Variants in EVL observed in about 807,000 individuals in gnomAD.
The protein encoded by EVL is ena/VASP-like protein.
Under a neutral mutation model 59.6 loss-of-function variants are expected in EVL, and 21 were observed. The ratio of observed to expected loss-of-function variants is 0.35; its 90% CI spans 0.25 to 0.51. The LOEUF (loss-of-function observed/expected upper bound fraction) is 0.51, where lower values mean the gene tolerates loss of function less well. EVL is among the 20% of genes least tolerant of loss of function. The pLI, the probability that EVL is intolerant of heterozygous loss-of-function variation, is 0.97. For missense variants in EVL, 462 were observed against 546.6 expected (o/e 0.85, Z 1.54); for synonymous variants, 198 against 203.5 (o/e 0.97, Z 0.23).
intron 1 of EVL, among the ~76,000 whole-genome samples, chr14:100,084,047 TCTCTC>T (rs1347008903): frequency 7.1e-6 from 1 of 141,516 alleles, no homozygotes; most frequent in Non-Finnish European, 1.5e-5. Flanking sequence ...ATTCTCTCTC[TCTCTC>T]TTTTTTTTTT....
rs2140342893 is a variant in EVL at position 100,109,966 on chromosome 14, C to T, written c.358+12308C>T. Among the ~76,000 whole-genome samples, 1 of 152,354 alleles carries T rather than the reference C, an allele frequency of 6.6e-6. No homozygotes were observed. Among genetic ancestry groups the T allele is most frequent in the East Asian group, 1.9e-4 (1 of 5,190 alleles). On this transcript the variant is annotated intron_variant, in intron 3 of 13. Transcript: ENST00000392920. This position sits in a 1 kb window ranked among gnomAD's most constrained non-coding sequence, Gnocchi z 4.3. ...ATCTGTGAAATGGCTGAATCAGACT[C>T]ACCTCACAGGGTTGTTGTGAGGGTA...
At chr14:100,080,761 C>T (rs1032672790) in intron 1 of EVL, among the ~76,000 whole-genome samples, 1 of 152,144 alleles carries the variant, frequency 6.6e-6, no homozygotes, top group African/African-American at 2.4e-5. Context: ...AGAAGTCCAC[C>T]AACCTGGTAA....
chr14:100,088,925 A>C (rs887836019), intron 2 of EVL, among the ~76,000 whole-genome samples: 3 of 152,256 alleles, frequency 2.0e-5, no homozygotes, highest in Non-Finnish European at 2.9e-5. Context: ...GAGGCCTCCA[A>C]AAACAAAAAG....
chr14:100,084,757 A>G lies in EVL; in HGVS notation c.82A>G (p.Ile28Val), dbSNP rs779985088. 6.2e-7 allele frequency: 1 copy of G among 1,614,184 alleles called. No homozygotes were observed. Among genetic ancestry groups the G allele is most frequent in the Non-Finnish European group, 8.5e-7 (1 of 1,180,030 alleles). ...TGACACCAGTAAGAAATGGGTACCA[A>G]TCAAACCTGGCCAGCAGGGATTCAG... is the stretch of plus-strand genomic sequence containing the variant. ...YDDTSKKWVP[I>V]KPGQQGFSRI... The change falls in exon 2 of 14, where the codon ATC becomes GTC. Residue 28 changes from isoleucine (I) to valine (V), a missense_variant. Coordinates refer to ENST00000392920, the MANE Select transcript of EVL (RefSeq NM_016337.3).
intron 1 of EVL, among the ~76,000 whole-genome samples, chr14:99,999,813 C>A (rs1316981763): frequency 6.6e-6 from 1 of 152,140 alleles, no homozygotes; most frequent in Non-Finnish European, 1.5e-5. Context: ...GCCATCAGCA[C>A]AAAAGTTTGT....
At chr14:100,037,997 G>A (rs986112701) in intron 1 of EVL, among the ~76,000 whole-genome samples, 7 of 152,218 alleles carry the variant, frequency 4.6e-5, no homozygotes, top group African/African-American at 1.7e-4. Context: ...CAGGGTCAGA[G>A]CTTGGTTGTG....
rs2061910676 is a variant in EVL, at chr14:100,065,467, TC to T, written c.-32del. On this transcript the variant is annotated 5_prime_UTR_variant, in exon 1 of 14. Transcript: ENST00000392920. ...GGCTGGTGGGAGTACAGGACTCGCC[TC>T]CTCAGGGTTCCCTGTGCTGCCACTT... The T allele has an allele frequency of 6.7e-7, 1 of 1,482,738 alleles. No individual in the cohort carries two copies. The allele number at this position is 1,482,738 out of a possible 1,614,324, so 91.8% of individuals were successfully genotyped here.
intron 1 of EVL, among the ~76,000 whole-genome samples, chr14:100,034,740 TA>T (rs541398362): frequency 3.8e-3 from 564 of 149,040 alleles, no homozygotes; most frequent in Middle Eastern, 0.017. Flanking sequence ...CCCAACTCTT[TA>T]AAAAAAAAAT....
chr14:100,091,256 A>G (rs1242590730), intron 2 of EVL, among the ~76,000 whole-genome samples: 1 of 152,078 alleles, frequency 6.6e-6, no homozygotes, highest in Non-Finnish European at 1.5e-5. Flanking sequence ...TCTTAACGAA[A>G]TTCCCTGACC....
At chr14:100,014,167 A>G (rs2140194905) in intron 1 of EVL, among the ~76,000 whole-genome samples, 1 of 152,288 alleles carries the variant, frequency 6.6e-6, no homozygotes, top group South Asian at 2.1e-4. Flanking sequence ...ATAAAATATG[A>G]TCAGTCCCCT....
chr14:100,010,996 A>G (rs2061013780), intron 1 of EVL, among the ~76,000 whole-genome samples: 1 of 152,236 alleles, frequency 6.6e-6, no homozygotes, highest in African/African-American at 2.4e-5. Context: ...GGATTTCAAG[A>G]TGATTTGTCC....
intron 1 of EVL, among the ~76,000 whole-genome samples, chr14:100,034,868 C>T (rs2140223704): frequency 6.6e-6 from 1 of 152,226 alleles, no homozygotes. Flanking sequence ...TTTGAGTCTC[C>T]CTTATCTGTG....
At chr14:100,128,394 C>A in intron 5 of EVL, 125 bp from the exon 6 acceptor site, 2 of 928,402 alleles carry the variant, frequency 2.2e-6, no homozygotes, top group Non-Finnish European at 3.6e-6. Context: ...AGGCCTGGAG[C>A]TGTTTCTCAT....
intron 1 of EVL, among the ~76,000 whole-genome samples, chr14:100,038,770 G>GC (rs1488873891): frequency 3.6e-5 from 5 of 139,614 alleles, no homozygotes; most frequent in African/African-American, 1.4e-4. Flanking sequence ...CTGTGCCCTG[G>GC]GGTGTGTGTG....
At chr14:100,011,684 G>C (rs1023907156) in intron 1 of EVL, among the ~76,000 whole-genome samples, 1 of 152,170 alleles carries the variant, frequency 6.6e-6, no homozygotes, top group Non-Finnish European at 1.5e-5. Flanking sequence ...TACTCTGTCA[G>C]CCCTGCATTC....
At chr14:99,982,015 G>A (rs922042463) in intron 1 of EVL, among the ~76,000 whole-genome samples, 6 of 152,144 alleles carry the variant, frequency 3.9e-5, no homozygotes, top group Admixed American at 2.6e-4. Context: ...AGCTGATGTC[G>A]GGGTGAGGGT....
At chr14:100,046,966 G>T (rs1362298725) in intron 1 of EVL, among the ~76,000 whole-genome samples, 1 of 151,096 alleles carries the variant, frequency 6.6e-6, no homozygotes, top group African/African-American at 2.4e-5. Flanking sequence ...TGTTAGCCAG[G>T]ATGGTCTTGA....
At chr14:100,034,279 C>T (rs539791729) in intron 1 of EVL, among the ~76,000 whole-genome samples, 1 of 151,596 alleles carries the variant, frequency 6.6e-6, no homozygotes, top group South Asian at 2.1e-4. Context: ...TATAATCACC[C>T]CTGCCCCGAA....
chr14:100,099,111 G>A (rs1180593081), intron 3 of EVL, among the ~76,000 whole-genome samples: 5 of 150,400 alleles, frequency 3.3e-5, no homozygotes, highest in Admixed American at 6.7e-5. Flanking sequence ...GAGAGACCAA[G>A]GCAGAAGGAT....
Sources: allele counts gnomAD v4.1 joint callset (sites outside exome capture counted in the v4.1 genomes callset), GRCh38; gene constraint gnomAD v4.1.1; non-coding constraint Gnocchi (gnomAD v3.1); transcripts MANE v1.5; gene names NCBI Gene and HGNC (gene_info 2026-07-23, HGNC 2026-07-21).